KIAA1217: variants seen among roughly 807,000 people sequenced by gnomAD.
KIAA1217 encodes the protein KIAA1217, also known as sickle tail protein homolog.
A neutral mutation model predicts 163.9 loss-of-function variants in KIAA1217; 88 were observed. The observed-to-expected ratio is 0.54, with a 90% CI of 0.45 to 0.64. The LOEUF (loss-of-function observed/expected upper bound fraction) is 0.64, where lower values mean the gene tolerates loss of function less well. KIAA1217 is among the 30% of genes least tolerant of loss of function. KIAA1217 has a pLI of 0.00. For missense variants in KIAA1217, 2,372 were observed against 2,475.0 expected (o/e 0.96, Z 0.88); for synonymous variants, 903 against 923.1 (o/e 0.98, Z 0.39).
At chr10:23,912,981 C>A (rs59168651) in intron 1 of KIAA1217, among the ~76,000 whole-genome samples, 15,504 of 152,130 alleles carry the variant, frequency 0.1, 1,927 homozygotes, top group African/African-American at 0.3. Context: ...TTTTTCTCAG[C>A]CTGTCAGTTT....
chr10:23,827,640 C>T (rs1837960189), intron 1 of KIAA1217, among the ~76,000 whole-genome samples: 1 of 152,164 alleles, frequency 6.6e-6, no homozygotes, highest in African/African-American at 2.4e-5. Context: ...GCATCTTCCC[C>T]TCCAGCAGAA....
chr10:24,385,164 A>G (rs911434061), intron 3 of KIAA1217, among the ~76,000 whole-genome samples: 2 of 152,154 alleles, frequency 1.3e-5, no homozygotes, highest in African/African-American at 4.8e-5. Context: ...GAATCCTCAC[A>G]CCACTCCGGC....
intron 2 of KIAA1217, among the ~76,000 whole-genome samples, chr10:24,301,405 A>C (rs1185078189): frequency 1.3e-5 from 2 of 152,242 alleles, no homozygotes; most frequent in African/African-American, 4.8e-5. Flanking sequence ...ATTATAAAGC[A>C]TATTGAGTGA....
chr10:23,846,396 C>G (rs931575039), intron 1 of KIAA1217, among the ~76,000 whole-genome samples: 2 of 152,140 alleles, frequency 1.3e-5, no homozygotes, highest in East Asian at 3.9e-4. Flanking sequence ...TTTGCGTCCT[C>G]CTTTATTTCC....
chr10:24,233,870 T>A (rs2071797608), intron 2 of KIAA1217, among the ~76,000 whole-genome samples: 1 of 152,208 alleles, frequency 6.6e-6, no homozygotes, highest in African/African-American at 2.4e-5. Context: ...AAGTCTCCCA[T>A]ATCATTGTAT....
At chr10:23,749,450 C>A (rs950637789) in intron 1 of KIAA1217, among the ~76,000 whole-genome samples, 7 of 152,058 alleles carry the variant, frequency 4.6e-5, no homozygotes, top group African/African-American at 9.7e-5. Context: ...TTTCTATCAC[C>A]AGGTTGGAGT....
In KIAA1217 at chr10:23,886,481, C is replaced by A. The variant is rs114131429; in HGVS notation, c.-320-120744C>A. Among the ~76,000 whole-genome samples, 297 of 152,046 alleles carry A rather than the reference C, an allele frequency of 2.0e-3. 1 individual carries two copies. Among genetic ancestry groups the A allele is most frequent in the African/African-American group, 6.9e-3 (285 of 41,536 alleles). On this transcript the variant is annotated intron_variant, in intron 1 of 18. Coordinates refer to the KIAA1217 transcript ENST00000376462. ...CAGAAATAGCCATGTCAGTCAGAGG[C>A]CAGAATGCTCTTTCAGATTAGGGTA... is the stretch of plus-strand genomic sequence containing the variant.
chr10:23,807,448 C>T (rs1298656389), intron 1 of KIAA1217, among the ~76,000 whole-genome samples: 1 of 152,168 alleles, frequency 6.6e-6, no homozygotes, highest in Non-Finnish European at 1.5e-5. Flanking sequence ...AGGCCTGGGC[C>T]ATTATGGCTG....
At chr10:24,175,471 T>C (rs2065835928) in intron 2 of KIAA1217, among the ~76,000 whole-genome samples, 1 of 151,192 alleles carries the variant, frequency 6.6e-6, no homozygotes, top group Non-Finnish European at 1.5e-5. Flanking sequence ...GTGTGTTTAT[T>C]GTTTTTCATT....
intron 1 of KIAA1217, among the ~76,000 whole-genome samples, chr10:23,871,270 C>T (rs1435772141): frequency 2.0e-5 from 3 of 152,022 alleles, no homozygotes; most frequent in East Asian, 3.9e-4. Flanking sequence ...TGTTCTACAG[C>T]TTGGGATTTA....
chr10:23,873,542 G>T (rs1187971874), intron 1 of KIAA1217, among the ~76,000 whole-genome samples: 1 of 151,968 alleles, frequency 6.6e-6, no homozygotes, highest in Non-Finnish European at 1.5e-5. Context: ...TAGGTAAACG[G>T]ATCTAAGCAA....
intron 2 of KIAA1217, among the ~76,000 whole-genome samples, chr10:24,286,221 T>A (rs1287470226): frequency 6.6e-6 from 1 of 152,174 alleles, no homozygotes; most frequent in Non-Finnish European, 1.5e-5. Context: ...CCCATTTTTT[T>A]AATTGGTTTT....
rs377532632 is a variant in KIAA1217 at position 24,513,282 on chromosome 10, G to A, written c.2025G>A (p.Arg675=). 10 of 1,613,968 alleles carry A rather than the reference G, an allele frequency of 6.2e-6. No homozygotes were observed. The African/African-American group carries it at 1.1e-4, about 17-fold the overall frequency. ...AGCTGCAGAACCAGGAGTTGCTGAG[G>A]GCAATGATGAAGAAGGCCGAGCTGG... ...QLQLQNQELL[R]AMMKKAELEI... is the part of the protein sequence containing the mutation. Residue 675 remains arginine, a synonymous_variant, in exon 10 of 21, where the codon AGG becomes AGA. Transcript: ENST00000376454.
At position 23,731,082 on chromosome 10, in the gene KIAA1217, T is replaced by C. The variant is rs529647367; in HGVS notation, c.-321+35848T>C. Among the ~76,000 whole-genome samples, 6 of 152,310 alleles carry C rather than the reference T, an allele frequency of 3.9e-5. No homozygotes were observed. The South Asian group carries it at 1.2e-3, about 32-fold the overall frequency. ...TCTTTTATTTCACTTTATTTTATGC[T>C]TTAATTTGGGAAGGAGAGCTTTTTT... On this transcript the variant is annotated intron_variant, in intron 1 of 18. Coordinates refer to the KIAA1217 transcript ENST00000376462.
Position 24,501,498 on chromosome 10 carries a change from A to C in KIAA1217, c.1954A>C (p.Ser652Arg), listed in dbSNP as rs778569547. Reference sequence around the variant, plus strand: ...CATGAGCCTGCTTGAGATGAGGCGGAGCGTGGCGGAACTCAGGCTCCAGCT... The same window carrying C: ...CATGAGCCTGCTTGAGATGAGGCGGCGCGTGGCGGAACTCAGGCTCCAGCT... ...IHMSLLEMRR[S>R]VAELRLQLQQ... Residue 652 changes from serine to arginine, a missense_variant, in exon 9 of 21, where the codon AGC (serine) becomes CGC (arginine). Coordinates refer to ENST00000376454, the MANE Select transcript of KIAA1217 (RefSeq NM_019590.5). 1.2e-6 allele frequency: 2 copies of C among 1,613,842 alleles called. No homozygotes were observed. Among genetic ancestry groups the C allele is most frequent in the South Asian group, 2.2e-5 (2 of 91,056 alleles).
At chr10:24,511,143 ACT>A (rs1210465065) in intron 9 of KIAA1217, among the ~76,000 whole-genome samples, 2 of 118,708 alleles carry the variant, frequency 1.7e-5, no homozygotes, top group African/African-American at 3.6e-5. Flanking sequence ...ACAGAGTGAG[ACT>A]CTGTCTCAAA....
chr10:23,740,622 G>T (rs6482337), intron 1 of KIAA1217, among the ~76,000 whole-genome samples: 1 of 151,944 alleles, frequency 6.6e-6, no homozygotes, highest in Admixed American at 6.6e-5. Flanking sequence ...GGCCTCCCAA[G>T]GTGCTGTGAT....
chr10:24,174,256 C>G (rs568651435), intron 2 of KIAA1217, among the ~76,000 whole-genome samples: 1 of 152,248 alleles, frequency 6.6e-6, no homozygotes, highest in African/African-American at 2.4e-5. Context: ...CCTTCTATGT[C>G]TGTCTAGCTC....
At chr10:24,365,021 T>G (rs1591343839) in intron 2 of KIAA1217, among the ~76,000 whole-genome samples, 1 of 152,024 alleles carries the variant, frequency 6.6e-6, no homozygotes, top group East Asian at 1.9e-4. Flanking sequence ...GCCAGGCTGG[T>G]CTTGAACTCC....
Sources: gnomAD v4.1 joint callset for allele counts (sites outside exome capture counted in the v4.1 genomes callset) on GRCh38, gnomAD v4.1.1 for gene constraint, MANE v1.5 for transcripts, NCBI Gene and HGNC (gene_info 2026-07-23, HGNC 2026-07-21) for gene names.